The following PAX5 variants were observed in gnomAD, a reference collection of about 807,000 sequenced individuals.
PAX5 encodes paired box protein Pax-5.
PAX5 carries 9 observed loss-of-function variants against 43.7 expected under a neutral mutation model. That is an observed-to-expected ratio of 0.21 (90% confidence interval 0.12 to 0.36). PAX5 has a LOEUF of 0.36. Among genes scored for constraint, PAX5 ranks in the 10% least tolerant of loss-of-function variants. The pLI is 1.00. For missense variants in PAX5, 383 were observed against 532.7 expected (o/e 0.72, Z 2.77); for synonymous variants, 228 against 214.3 (o/e 1.06, Z -0.56).
Position 36,913,982 on chromosome 9 carries a change from C to G in PAX5, c.910+9373G>C, listed in dbSNP as rs551037826. ...GTGGTGAAACAGAGCCCCCCACCCC[C>G]CAACAGCTCCTGGGGGCATTCCTTC... On this transcript the variant is annotated intron_variant, in intron 7 of 9. Coordinates refer to ENST00000358127, the MANE Select transcript of PAX5 (RefSeq NM_016734.3). 2.6e-4 allele frequency among the ~76,000 whole-genome samples: 39 copies of G among 152,324 alleles called. No individual in the cohort carries two copies. In the East Asian group the frequency reaches 7.1e-3, roughly 28 times the overall value.
At chr9:36,886,832 T>G (rs1203924838) in intron 7 of PAX5, among the ~76,000 whole-genome samples, 1 of 152,236 alleles carries the variant, frequency 6.6e-6, no homozygotes, top group Non-Finnish European at 1.5e-5. Context: ...AAGTACATCT[T>G]TTCTAACTCA....
intron 7 of PAX5, among the ~76,000 whole-genome samples, chr9:36,921,430 C>A (rs1250089203): frequency 6.6e-6 from 1 of 152,178 alleles, no homozygotes; most frequent in East Asian, 1.9e-4. Flanking sequence ...AGTGACCTTG[C>A]TGGATGAGCT....
Position 37,015,682 on chromosome 9 carries a change from T to A in PAX5, c.213-488A>T, listed in dbSNP as rs1485004769. Reference sequence around the variant, plus strand: ...GCAACCTCCGCCTCCTGGGTTCAAGTGATTCTCCTGCCTCAGCCTCCCGAG... The same window carrying A: ...GCAACCTCCGCCTCCTGGGTTCAAGAGATTCTCCTGCCTCAGCCTCCCGAG... On this transcript the variant is annotated intron_variant, in intron 2 of 9. Coordinates refer to ENST00000358127, the MANE Select transcript of PAX5 (RefSeq NM_016734.3). This position sits in a 1 kb window ranked among gnomAD's most constrained non-coding sequence, Gnocchi z 4.4. 1.3e-5 allele frequency among the ~76,000 whole-genome samples: 2 copies of A among 151,852 alleles called. No homozygotes were observed. The highest frequency in any genetic ancestry group is 2.4e-5 in the African/African-American group (1 of 41,312).
intron 9 of PAX5, among the ~76,000 whole-genome samples, chr9:36,842,534 A>G (rs1450157982): frequency 6.6e-6 from 1 of 152,178 alleles, no homozygotes; most frequent in Non-Finnish European, 1.5e-5. Context: ...GAAAGCTTGC[A>G]TTTACTGTGA....
Position 37,020,623 on chromosome 9 carries a change from C to A in PAX5, c.212+13G>T. 1 of 1,613,850 alleles carries A rather than the reference C, an allele frequency of 6.2e-7. No individual in the cohort carries two copies. Among genetic ancestry groups the A allele is most frequent in the Non-Finnish European group, 8.5e-7 (1 of 1,179,720 alleles). On this transcript the variant is annotated intron_variant, in intron 2 of 9. Coordinates refer to ENST00000358127, the MANE Select transcript of PAX5 (RefSeq NM_016734.3). The stretch of plus-strand genomic sequence containing the variant: ...TTGAAAGATCAAGGGAAGCCTCGAG[C>A]TACTGCCTTTACCTGCCAAGAATTT...
At chr9:36,998,862 A>G (rs1467621018) in intron 5 of PAX5, among the ~76,000 whole-genome samples, 1 of 152,238 alleles carries the variant, frequency 6.6e-6, no homozygotes, top group Non-Finnish European at 1.5e-5. Flanking sequence ...TTATATGCTG[A>G]CATGTTGAAA....
chr9:36,890,663 A>G lies in PAX5; in HGVS notation c.911-8558T>C, dbSNP rs181849396. ...TCATTTCACCCCCATGTTGATGGAAAAGAAGGTGGGTATCAATTCCTACAG... is the reference window on the plus strand; with the variant it reads ...TCATTTCACCCCCATGTTGATGGAAGAGAAGGTGGGTATCAATTCCTACAG... On this transcript the variant is annotated intron_variant, in intron 7 of 9. Transcript: ENST00000358127. 1.3e-3 allele frequency among the ~76,000 whole-genome samples: 200 copies of G among 152,230 alleles called. 1 individual carries two copies. Among genetic ancestry groups the G allele is most frequent in the Non-Finnish European group, 2.4e-4 (16 of 68,010 alleles).
chr9:36,947,169 C>T (rs937286499), intron 6 of PAX5, among the ~76,000 whole-genome samples: 1 of 152,108 alleles, frequency 6.6e-6, no homozygotes, highest in Non-Finnish European at 1.5e-5. Context: ...AGCAACGTTC[C>T]CCTTCCTGGC....
intron 6 of PAX5, among the ~76,000 whole-genome samples, chr9:36,959,303 G>T (rs1045394746): frequency 6.6e-5 from 10 of 152,218 alleles, no homozygotes; most frequent in Non-Finnish European, 1.2e-4. Flanking sequence ...AAAATGGATA[G>T]ATTCTACTTG....
intron 6 of PAX5, among the ~76,000 whole-genome samples, chr9:36,957,536 T>A (rs1833594178): frequency 6.6e-6 from 1 of 152,174 alleles, no homozygotes; most frequent in African/African-American, 2.4e-5. Flanking sequence ...CAACTCTTCC[T>A]TTCCACAAAA....
intron 7 of PAX5, among the ~76,000 whole-genome samples, chr9:36,887,036 T>C (rs889591148): frequency 1.3e-5 from 2 of 152,174 alleles, no homozygotes; most frequent in Non-Finnish European, 2.9e-5. Flanking sequence ...GTTGTATACA[T>C]GAGGAAACTG....
intron 6 of PAX5, among the ~76,000 whole-genome samples, chr9:36,931,146 G>T (rs1265070937): frequency 6.6e-6 from 1 of 152,244 alleles, no homozygotes; most frequent in African/African-American, 2.4e-5. Flanking sequence ...CCAGAGCCAG[G>T]CCAACCATTC....
rs1183519852 is a variant in PAX5 at position 36,882,609 on chromosome 9, C to A, written c.911-504G>T. On this transcript the variant is annotated intron_variant, in intron 7 of 9. Transcript: ENST00000358127. The surrounding 1 kb of genome is among the most constrained non-coding windows in gnomAD (Gnocchi z 4.4). ...CCTTCTCCTCTCCTCAACAGCCCCC[C>A]ACAGTGAACAGGGGGCATATCTGCC... Among the ~76,000 whole-genome samples the A allele has an allele frequency of 6.6e-6, 1 of 152,226 alleles. No homozygotes were observed. Among genetic ancestry groups the A allele is most frequent in the Non-Finnish European group, 1.5e-5 (1 of 68,050 alleles).
chr9:36,935,304 C>CG (rs1831457429), intron 6 of PAX5, among the ~76,000 whole-genome samples: 1 of 152,078 alleles, frequency 6.6e-6, no homozygotes, highest in South Asian at 2.1e-4. Context: ...TGCTTGAACC[C>CG]GGGGGGCGGA....
At chr9:36,941,520 G>A (rs1353549546) in intron 6 of PAX5, among the ~76,000 whole-genome samples, 7 of 152,144 alleles carry the variant, frequency 4.6e-5, no homozygotes, top group African/African-American at 1.7e-4. Context: ...TGCCCTGGAG[G>A]TCAAGCACAA....
chr9:36,953,471 T>G (rs1833181102), intron 6 of PAX5, among the ~76,000 whole-genome samples: 1 of 152,196 alleles, frequency 6.6e-6, no homozygotes, highest in Non-Finnish European at 1.5e-5. Flanking sequence ...GCTATGCCTC[T>G]TAAAATTATC....
chr9:36,955,876 A>C, intron 6 of PAX5, among the ~76,000 whole-genome samples: 1 of 151,938 alleles, frequency 6.6e-6, no homozygotes. Flanking sequence ...AGAGCCTACA[A>C]TAGCTCAGAT....
intron 7 of PAX5, among the ~76,000 whole-genome samples, chr9:36,919,362 C>G (rs1422895356): frequency 6.6e-6 from 1 of 152,218 alleles, no homozygotes; most frequent in Non-Finnish European, 1.5e-5. Context: ...TGTTTTCATG[C>G]CTGCTAACAC....
At chr9:36,969,991 G>C (rs183598775) in intron 5 of PAX5, among the ~76,000 whole-genome samples, 2 of 152,250 alleles carry the variant, frequency 1.3e-5, no homozygotes, top group East Asian at 3.9e-4. Flanking sequence ...CTCTGTATCA[G>C]GTAATATTTT....
Sources: gnomAD v4.1 joint callset for allele counts (sites outside exome capture counted in the v4.1 genomes callset) on GRCh38, gnomAD v4.1.1 for gene constraint, Gnocchi (gnomAD v3.1) non-coding constraint, MANE v1.5 for transcripts, NCBI Gene and HGNC (gene_info 2026-07-23, HGNC 2026-07-21) for gene names.